The following NBR1 variants were observed in gnomAD, a reference collection of about 807,000 sequenced individuals.
NBR1 encodes the protein next to BRCA1 gene 1 protein.
NBR1 carries 59 observed loss-of-function variants against 115.5 expected under a neutral mutation model. The observed-to-expected ratio is 0.51, with a 90% CI of 0.41 to 0.63. The LOEUF (loss-of-function observed/expected upper bound fraction) is 0.63. Among genes scored for constraint, NBR1 ranks in the 30% least tolerant of loss-of-function variants. NBR1 has a pLI of 0.00. For missense variants in NBR1, 1,043 were observed against 1,150.5 expected (o/e 0.91, Z 1.35); for synonymous variants, 373 against 414.7 (o/e 0.90, Z 1.22).
chr17:43,186,412 G>C lies in NBR1; in HGVS notation c.370G>C (p.Asp124His). 2 of 1,597,582 alleles carry C rather than the reference G, an allele frequency of 1.3e-6. No individual in the cohort carries two copies. The highest frequency in any genetic ancestry group is 1.7e-6 in the Non-Finnish European group (2 of 1,173,548). ...YSSLVRVLGS[D>H]MKTPEDPAVQ... Reference sequence around the variant, plus strand: ...TTCACTGGTGAGAGTCTTGGGATCAGACATGAAGACCCCAGAGGATCCTGC... The same window carrying C: ...TTCACTGGTGAGAGTCTTGGGATCACACATGAAGACCCCAGAGGATCCTGC... The change falls in exon 6 of 21, where the codon GAC (aspartate) becomes CAC (histidine). Residue 124 changes from aspartate (D) to histidine (H), a missense_variant. By Grantham distance (81) the Asp-to-His change is moderately conservative. Transcript: ENST00000590996.
chr17:43,175,407 A>G (rs1025996303), intron 1 of NBR1, among the ~76,000 whole-genome samples: 4 of 152,222 alleles, frequency 2.6e-5, no homozygotes, highest in Admixed American at 1.3e-4. Flanking sequence ...TTAACCAGTC[A>G]TCATAAAGTA....
Position 43,210,356 on chromosome 17 carries a change from A to C in NBR1, c.*282A>C, listed in dbSNP as rs1567872731. On this transcript the variant is annotated 3_prime_UTR_variant, in exon 21 of 21. Transcript: ENST00000590996. ...CATTGACAAGTGTAACTTCAACTTC[A>C]TATAGAACCATTTTTCTTTCTGCTT... 8 of 392,546 alleles carry C rather than the reference A, an allele frequency of 2.0e-5. No homozygotes were observed. The allele number at this position is 392,546 out of a possible 1,614,324, so 24.3% of individuals were successfully genotyped here.
intron 1 of NBR1, among the ~76,000 whole-genome samples, chr17:43,173,828 G>GC (rs1302709405): frequency 2.2e-5 from 2 of 89,242 alleles, no homozygotes; most frequent in African/African-American, 9.2e-5. Context: ...CCTCCCCTCT[G>GC]CCCCCCACCC....
intron 2 of NBR1, 52 bp downstream of exon 2, chr17:43,175,953 C>G (rs146777918): frequency 9.6e-7 from 1 of 1,040,010 alleles, no homozygotes; most frequent in African/African-American, 1.6e-5. Flanking sequence ...GTTATTTTTT[C>G]CAAAGGTAGC....
chr17:43,190,873 C>G, intron 9 of NBR1, 97 bp downstream of exon 9: 1 of 1,224,454 alleles, frequency 8.2e-7, no homozygotes, highest in Non-Finnish European at 1.1e-6. Flanking sequence ...CTCCTTAGTT[C>G]TGCTCATTTT....
At chr17:43,203,542 T>C in intron 19 of NBR1, 139 bp from the exon 20 acceptor site, 1 of 569,624 alleles carries the variant, frequency 1.8e-6, no homozygotes, top group Admixed American at 3.0e-5. Context: ...AAGCTGATAA[T>C]GAAAGCAATT....
rs2056920812 is a variant in NBR1, at chr17:43,190,624, C to T, written c.711C>T (p.Tyr237=). 3 of 1,590,732 alleles carry T rather than the reference C, an allele frequency of 1.9e-6. No homozygotes were observed. Among genetic ancestry groups the T allele is most frequent in the Non-Finnish European group, 2.6e-6 (3 of 1,168,490 alleles). The change falls in exon 9 of 21, where the codon TAC becomes TAT. Residue 237 remains tyrosine, a synonymous_variant. Transcript: ENST00000590996. ...TTCCCCACAGCCTATGCCCATCCTACAATATCTGTGAAGATTGTGAAGCAG... is the reference window on the plus strand; with the variant it reads ...TTCCCCACAGCCTATGCCCATCCTATAATATCTGTGAAGATTGTGAAGCAG... The part of the protein sequence containing the change: ...VRYQCSLCPS[Y]NICEDCEAGP...
At chr17:43,206,595 C>T (rs913226628) in intron 20 of NBR1, among the ~76,000 whole-genome samples, 2 of 151,020 alleles carry the variant, frequency 1.3e-5, no homozygotes, top group Non-Finnish European at 2.9e-5. Flanking sequence ...GCAGAGGTTG[C>T]AGTGAGCTGA....
At chr17:43,191,624 C>T in intron 10 of NBR1, 43 bp downstream of exon 10, 1 of 1,357,706 alleles carries the variant, frequency 7.4e-7, no homozygotes, top group Admixed American at 2.4e-5. Context: ...TTAGGCCCAG[C>T]TCTCTGAAAC....
chr17:43,203,450 A>G lies in NBR1; in HGVS notation c.2622-231A>G, dbSNP rs138135820. On this transcript the variant is annotated intron_variant, in intron 19 of 20. Transcript: ENST00000590996. ...GAGTGAGAGCCATCATGGTTACCAGAGTGGTGTGTTTCCTGCAGTGCCCCT... is the reference window on the plus strand; with the variant it reads ...GAGTGAGAGCCATCATGGTTACCAGGGTGGTGTGTTTCCTGCAGTGCCCCT... 3.0e-3 allele frequency among the ~76,000 whole-genome samples: 453 copies of G among 152,228 alleles called. 1 individual carries two copies. Among genetic ancestry groups the G allele is most frequent in the Non-Finnish European group, 5.4e-3 (367 of 68,004 alleles).
rs2057414225 is a variant in NBR1 at position 43,211,455 on chromosome 17, C to G, written c.*1381C>G. On this transcript the variant is annotated 3_prime_UTR_variant, in exon 21 of 21. Transcript: ENST00000590996. ...ACTCCTGAATGCTACTTAAATAAAC[C>G]AGGATTCAAACTGCAAGCCAGCCAG... is the stretch of plus-strand genomic sequence containing the variant. 6.6e-6 allele frequency: 1 copy of G among 152,398 alleles called. No individual in the cohort carries two copies. The highest frequency in any genetic ancestry group is 6.6e-5 in the Admixed American group (1 of 15,252). 9.4% of individuals were successfully genotyped at this position (152,398 alleles called of 1,614,324 possible).
chr17:43,198,755 A>G (rs1480715949), intron 16 of NBR1, among the ~76,000 whole-genome samples: 1 of 152,062 alleles, frequency 6.6e-6, no homozygotes, highest in Non-Finnish European at 1.5e-5. Flanking sequence ...AGGTCAGGAG[A>G]TGAAGACTAT....
At chr17:43,190,041 T>A (rs970108133) in intron 8 of NBR1, 1 of 517,334 alleles carries the variant, frequency 1.9e-6, no homozygotes, top group East Asian at 3.3e-5. Flanking sequence ...TATGTTCCCC[T>A]GAACGGACAA....
At chr17:43,197,205 G>A (rs2057088831) in intron 16 of NBR1, 99 bp downstream of exon 16, 1 of 1,150,344 alleles carries the variant, frequency 8.7e-7, no homozygotes. Context: ...TGAGACTGAA[G>A]GGAGAGTGAT....
At chr17:43,172,361 C>A (rs2056397674) in intron 1 of NBR1, among the ~76,000 whole-genome samples, 1 of 152,186 alleles carries the variant, frequency 6.6e-6, no homozygotes, top group Admixed American at 6.5e-5. Context: ...TTAGTTGGCC[C>A]ACCAGCTGGA....
intron 5 of NBR1, among the ~76,000 whole-genome samples, chr17:43,181,486 G>A (rs561519381): frequency 2.0e-5 from 3 of 149,568 alleles, no homozygotes; most frequent in African/African-American, 4.9e-5. Context: ...CCTGGCTAAC[G>A]TGGTGAAACC....
Position 43,197,241 on chromosome 17 carries a change from G to A in NBR1, c.2026+135G>A, listed in dbSNP as rs1354940180. On this transcript the variant is annotated intron_variant, in intron 16 of 20. Transcript: ENST00000590996. ...CTTAGTTAGAAGTTCTGATCTTGGC[G>A]GGGCGTGGTGGCTCAAGCCTGTAAT... 1.7e-5 allele frequency: 15 copies of A among 908,838 alleles called. No individual in the cohort carries two copies. In the Admixed American group the frequency reaches 2.6e-4, roughly 16 times the overall value. 56.3% of individuals were successfully genotyped at this position (908,838 alleles called of 1,614,324 possible).
At chr17:43,200,951 CTCTGCCTCT>C (rs1348722540) in intron 17 of NBR1, among the ~76,000 whole-genome samples, 1 of 151,602 alleles carries the variant, frequency 6.6e-6, no homozygotes, top group Non-Finnish European at 1.5e-5. Context: ...TCACTGCCAC[CTCTGCCTCT>C]GAGGCTCAAG....
chr17:43,173,350 A>G (rs1214257683), intron 1 of NBR1, among the ~76,000 whole-genome samples: 1 of 151,790 alleles, frequency 6.6e-6, no homozygotes, highest in Non-Finnish European at 1.5e-5. Context: ...GTGCAGTGGC[A>G]TGATCTTGGC....
Sources: gnomAD v4.1 joint callset for allele counts (sites outside exome capture counted in the v4.1 genomes callset) on GRCh38, gnomAD v4.1.1 for gene constraint, MANE v1.5 for transcripts, NCBI Gene and HGNC (gene_info 2026-07-23, HGNC 2026-07-21) for gene names.